Variants in APPL2 observed in about 807,000 individuals in gnomAD.
The protein encoded by APPL2 is adaptor protein, phosphotyrosine interacting with PH domain and leucine zipper 2, also known as DCC-interacting protein 13-beta.
A neutral mutation model predicts 92.7 loss-of-function variants in APPL2; 84 were observed. The observed-to-expected ratio is 0.91, with a 90% CI of 0.76 to 1.09. The LOEUF (loss-of-function observed/expected upper bound fraction) is 1.09. Ranked by LOEUF, APPL2 falls within the 50% of genes least tolerant of loss-of-function variation. APPL2 has a pLI of 0.00. For missense variants in APPL2, 736 were observed against 824.5 expected (o/e 0.89, Z 1.31); for synonymous variants, 291 against 291.0 (o/e 1.00, Z 0.00).
chr12:105,192,294 C>T (rs1024612395), intron 14 of APPL2, among the ~76,000 whole-genome samples: 2 of 152,190 alleles, frequency 1.3e-5, no homozygotes, highest in African/African-American at 2.4e-5. Flanking sequence ...GTTGGGACGC[C>T]TCCTCACTGG....
chr12:105,215,446 G>A (rs555097765), intron 4 of APPL2, among the ~76,000 whole-genome samples: 2 of 152,236 alleles, frequency 1.3e-5, no homozygotes, highest in East Asian at 3.9e-4. Context: ...TAGGGTAGAG[G>A]ACAAAGCCCA....
chr12:105,207,333 G>C, intron 7 of APPL2, 126 bp from the exon 8 acceptor site: 2 of 974,546 alleles, frequency 2.1e-6, no homozygotes. Context: ...ACAAAACACA[G>C]ATAAGGCTGC....
intron 1 of APPL2, 85 bp downstream of exon 1, chr12:105,235,874 G>A (rs760692110): frequency 4.9e-5 from 55 of 1,133,238 alleles, no homozygotes; most frequent in Non-Finnish European, 5.8e-5. Context: ...CTGCCCGGCC[G>A]GGGGCGCGGC....
chr12:105,203,465 G>C, intron 9 of APPL2: 2 of 487,980 alleles, frequency 4.1e-6, no homozygotes, highest in Non-Finnish European at 3.6e-6. Context: ...TCCCAGGCTT[G>C]TGACATGTGA....
intron 17 of APPL2, among the ~76,000 whole-genome samples, chr12:105,182,674 G>C: frequency 6.6e-6 from 1 of 152,126 alleles, no homozygotes; most frequent in East Asian, 1.9e-4. Flanking sequence ...TTTTACTTCC[G>C]ATTATGTGGT....
chr12:105,185,378 C>G (rs1013922587), intron 17 of APPL2, among the ~76,000 whole-genome samples: 1 of 152,086 alleles, frequency 6.6e-6, no homozygotes, highest in African/African-American at 2.4e-5. Flanking sequence ...AACTTAGGGC[C>G]CTGGTGGTGT....
chr12:105,176,522 G>T, intron 19 of APPL2: 1 of 413,432 alleles, frequency 2.4e-6, no homozygotes, highest in Non-Finnish European at 4.2e-6. Flanking sequence ...TATCTTCCTT[G>T]GTTTTCTCTC....
At chr12:105,214,777 G>C (rs1889527395) in intron 4 of APPL2, among the ~76,000 whole-genome samples, 1 of 152,172 alleles carries the variant, frequency 6.6e-6, no homozygotes, top group Non-Finnish European at 1.5e-5. Context: ...CCAGGATAGG[G>C]GCTGGTCACC....
At chr12:105,205,488 G>A (rs1888621580) in intron 8 of APPL2, among the ~76,000 whole-genome samples, 1 of 152,202 alleles carries the variant, frequency 6.6e-6, no homozygotes, top group East Asian at 1.9e-4. Context: ...AGAGAGTCCA[G>A]GCTGGGAGCA....
rs553427589 is a variant in APPL2, at chr12:105,232,841, A to G, written c.54+3118T>C. 1.3e-3 allele frequency among the ~76,000 whole-genome samples: 193 copies of G among 152,264 alleles called. 1 individual carries two copies. The highest frequency in any genetic ancestry group is 3.9e-3 in the African/African-American group (164 of 41,556). ...TTATAAACAAAAAGAGGAACAGCAC[A>G]AAACATCTCCACAGTGAAGACATAT... is the stretch of plus-strand genomic sequence containing the variant. On this transcript the variant is annotated intron_variant, in intron 1 of 20. Transcript: ENST00000258530.
chr12:105,231,302 G>T (rs1383097783), intron 1 of APPL2, among the ~76,000 whole-genome samples: 1 of 152,200 alleles, frequency 6.6e-6, no homozygotes, highest in Non-Finnish European at 1.5e-5. Context: ...GGTAAAAAGG[G>T]AAAGAGAGGG....
Position 105,229,119 on chromosome 12 carries a change from G to A in APPL2, c.153+6C>T, listed in dbSNP as rs776606497. On this transcript the variant is annotated splice_donor_region_variant and intron_variant, in intron 2 of 20. Transcript: ENST00000258530. ...TGCGGTATCCAGGTGAGGGGTGGCA[G>A]CATACCTGGGCTCCATAGACGCGCT... The A allele has an allele frequency of 7.5e-6, 12 of 1,607,712 alleles. No homozygotes were observed. The highest frequency in any genetic ancestry group is 1.0e-5 in the Non-Finnish European group (12 of 1,176,972).
At position 105,197,825 on chromosome 12, in the gene APPL2, A is replaced by G. The variant is rs201147739; in HGVS notation, c.992T>C (p.Met331Thr). Residue 331 changes from methionine (M) to threonine (T), a missense_variant, in exon 11 of 21, where the codon ATG becomes ACG. Met to Thr is a moderately conservative substitution (Grantham distance 81, BLOSUM62 -1). Coordinates refer to ENST00000258530, the MANE Select transcript of APPL2 (RefSeq NM_018171.5). ...LIQDLDNCSVMAVDCEDRRYC... is the reference protein window; with the variant it reads ...LIQDLDNCSVTAVDCEDRRYC... The stretch of plus-strand genomic sequence containing the variant: ...GCGCCGGTCTTCGCAATCCACGGCC[A>G]TCACTGAGCAGTTGTCCAGGTCCTG... 1,168 of 1,614,196 alleles carry G rather than the reference A, an allele frequency of 7.2e-4. No individual in the cohort carries two copies. Among genetic ancestry groups the G allele is most frequent in the Non-Finnish European group, 8.7e-4 (1,029 of 1,180,038 alleles).
chr12:105,179,047 A>C (rs1407007372), intron 17 of APPL2, among the ~76,000 whole-genome samples: 3 of 152,202 alleles, frequency 2.0e-5, no homozygotes, highest in Non-Finnish European at 4.4e-5. Flanking sequence ...CAGGTTTGTT[A>C]CATAGGTATA....
rs892561158 is a variant in APPL2 at position 105,192,173 on chromosome 12, G to A, written c.1242-2018C>T. Among the ~76,000 whole-genome samples the A allele has an allele frequency of 2.0e-5, 3 of 152,040 alleles. No homozygotes were observed. The East Asian group carries it at 5.8e-4, about 29-fold the overall frequency. On this transcript the variant is annotated intron_variant, in intron 14 of 20. Coordinates refer to ENST00000258530, the MANE Select transcript of APPL2 (RefSeq NM_018171.5). ...CTTTGATCTGTCCTTTTCCGTCTAC[G>A]CTTATCCATCAAAAGTCCCACAGGT...
chr12:105,226,868 G>A (rs1480634085), intron 2 of APPL2, among the ~76,000 whole-genome samples: 3 of 152,092 alleles, frequency 2.0e-5, no homozygotes, highest in African/African-American at 7.2e-5. Flanking sequence ...ACTAGTTCTA[G>A]CTACTCAGAA....
At chr12:105,216,991 A>C in intron 4 of APPL2, 78 bp downstream of exon 4, 1 of 1,049,064 alleles carries the variant, frequency 9.5e-7, no homozygotes, top group Non-Finnish European at 1.4e-6. Flanking sequence ...AAATTTAAAA[A>C]TGGAAAGTGG....
chr12:105,176,170 A>C, intron 19 of APPL2, 88 bp from the exon 20 acceptor site: 8 of 1,129,278 alleles, frequency 7.1e-6, no homozygotes, highest in Non-Finnish European at 1.0e-5. Flanking sequence ...CAGTGAGGTC[A>C]CTGTTCTCAC....
intron 2 of APPL2, among the ~76,000 whole-genome samples, chr12:105,227,315 T>A (rs1229624532): frequency 6.6e-6 from 1 of 152,170 alleles, no homozygotes; most frequent in Non-Finnish European, 1.5e-5. Context: ...TAAGTTACAC[T>A]TATACCTTAC....
Sources: allele counts gnomAD v4.1 joint callset (sites outside exome capture counted in the v4.1 genomes callset), GRCh38; gene constraint gnomAD v4.1.1; transcripts MANE v1.5; gene names NCBI Gene and HGNC (gene_info 2026-07-23, HGNC 2026-07-21).